Variants in LRP1B observed in about 807,000 individuals in gnomAD.
LRP1B encodes low-density lipoprotein receptor-related protein 1B.
LRP1B carries 217 observed loss-of-function variants against 556.6 expected under a neutral mutation model. The ratio of observed to expected loss-of-function variants is 0.39; its 90% CI spans 0.35 to 0.44. The LOEUF (loss-of-function observed/expected upper bound fraction) is 0.44, where lower values mean the gene tolerates loss of function less well. Ranked by LOEUF, LRP1B falls within the 20% of genes least tolerant of loss-of-function variation. LRP1B has a pLI of 1.00. For synonymous variants in LRP1B, 2,047 were observed against 1,865.8 expected (o/e 1.10, Z -2.50); for missense variants, 5,053 against 5,620.8 (o/e 0.90, Z 3.23).
intron 2 of LRP1B, among the ~76,000 whole-genome samples, chr2:141,622,511 C>T (rs1256372482): frequency 6.6e-6 from 1 of 152,174 alleles, no homozygotes; most frequent in Non-Finnish European, 1.5e-5. Context: ...TTCAATATAT[C>T]TACTTAGAAA....
At chr2:141,487,697 G>A (rs1171798186) in intron 2 of LRP1B, among the ~76,000 whole-genome samples, 1 of 152,044 alleles carries the variant, frequency 6.6e-6, no homozygotes, top group Non-Finnish European at 1.5e-5. Flanking sequence ...CTTTCTTTAT[G>A]CAATTCCATC....
intron 7 of LRP1B, among the ~76,000 whole-genome samples, chr2:141,074,593 A>ATC (rs1699737110): frequency 1.1e-5 from 1 of 89,884 alleles, no homozygotes; most frequent in Non-Finnish European, 2.5e-5. Flanking sequence ...CTCTCTCTAT[A>ATC]TATATATATA....
chr2:140,664,370 A>G (rs941627652), intron 41 of LRP1B, among the ~76,000 whole-genome samples: 3 of 152,182 alleles, frequency 2.0e-5, no homozygotes, highest in Non-Finnish European at 1.5e-5. Flanking sequence ...CCTTCTATCT[A>G]TCTTGAAGAA....
chr2:141,204,864 G>C (rs1216450103), intron 6 of LRP1B, among the ~76,000 whole-genome samples: 1 of 152,056 alleles, frequency 6.6e-6, no homozygotes, highest in African/African-American at 2.4e-5. Flanking sequence ...TTGAACCCAA[G>C]AGGTGGGGTT....
chr2:140,659,112 T>G (rs1029771522), intron 41 of LRP1B, among the ~76,000 whole-genome samples: 1 of 138,398 alleles, frequency 7.2e-6, no homozygotes, highest in African/African-American at 3.0e-5. Flanking sequence ...TTTTTTTTTT[T>G]TTTTTTTTTT....
At chr2:140,883,751 T>C (rs2105186256) in intron 25 of LRP1B, 66 bp downstream of exon 25, 1 of 1,199,678 alleles carries the variant, frequency 8.3e-7, no homozygotes. Context: ...GATAATTAAA[T>C]TCAATGTTAA....
intron 43 of LRP1B, among the ~76,000 whole-genome samples, chr2:140,549,674 C>T (rs1680473394): frequency 6.6e-6 from 1 of 152,150 alleles, no homozygotes; most frequent in African/African-American, 2.4e-5. Flanking sequence ...GTAAATGAAA[C>T]AGCTGTCAAC....
intron 1 of LRP1B, among the ~76,000 whole-genome samples, chr2:142,081,855 C>A (rs971932336): frequency 6.6e-6 from 1 of 152,070 alleles, no homozygotes. Context: ...CCCACTTAAT[C>A]CTTATAACTA....
At chr2:142,067,796 T>C (rs1705160612) in intron 1 of LRP1B, among the ~76,000 whole-genome samples, 1 of 151,638 alleles carries the variant, frequency 6.6e-6, no homozygotes, top group Admixed American at 6.6e-5. Context: ...GCACCTCTTA[T>C]GAGCATATAG....
chr2:140,591,852 A>G (rs765739086), intron 43 of LRP1B, among the ~76,000 whole-genome samples: 16 of 152,198 alleles, frequency 1.1e-4, no homozygotes, highest in African/African-American at 2.7e-4. Context: ...CATAACTTCT[A>G]TGTAAATTGA....
intron 2 of LRP1B, among the ~76,000 whole-genome samples, chr2:141,724,014 T>C (rs13016120): frequency 0.18 from 27,567 of 151,820 alleles, 2,795 homozygotes; most frequent in East Asian, 0.25. Flanking sequence ...AACGATAAAG[T>C]TAAATGATTA....
intron 55 of LRP1B, among the ~76,000 whole-genome samples, chr2:140,500,943 A>G (rs970786715): frequency 1.3e-5 from 2 of 151,968 alleles, no homozygotes; most frequent in Non-Finnish European, 2.9e-5. Flanking sequence ...TTGTTGCTCC[A>G]TTAAACACAC....
chr2:140,734,500 A>C (rs1687881331), intron 35 of LRP1B, among the ~76,000 whole-genome samples: 1 of 152,210 alleles, frequency 6.6e-6, no homozygotes. Flanking sequence ...TTAGGATTTT[A>C]TTCAAGGCGA....
chr2:140,893,176 G>A (rs1051728846), intron 23 of LRP1B, among the ~76,000 whole-genome samples: 1 of 152,232 alleles, frequency 6.6e-6, no homozygotes, highest in South Asian at 2.1e-4. Flanking sequence ...ATAAAGAGAG[G>A]AAGAGAGATC....
At chr2:141,147,369 G>C (rs966497618) in intron 7 of LRP1B, among the ~76,000 whole-genome samples, 1 of 152,108 alleles carries the variant, frequency 6.6e-6, no homozygotes, top group African/African-American at 2.4e-5. Context: ...TGATTTTAGA[G>C]GGATAAAAAT....
At chr2:140,355,797 C>T (rs1682183764) in intron 75 of LRP1B, among the ~76,000 whole-genome samples, 2 of 151,964 alleles carry the variant, frequency 1.3e-5, no homozygotes, top group African/African-American at 2.4e-5. Flanking sequence ...TACTTACTTA[C>T]TATAAGATTT....
rs769585588 is a variant in LRP1B at position 140,837,798 on chromosome 2, TG to T, written c.5209+2192del. Among the ~76,000 whole-genome samples, 18 of 120,540 alleles carry T rather than the reference TG, an allele frequency of 1.5e-4. No homozygotes were observed. The East Asian group carries it at 4.5e-3, about 30-fold the overall frequency. 79.1% of individuals were successfully genotyped at this position (120,540 alleles called of 152,430 possible). A position where few individuals can be genotyped will look rare whatever the true frequency, so the allele number is the denominator to read the frequency against. ...CACACCACCGGGGACTGTTGTGGGG[TG>T]GGGGGAGGGGGGAAGGATAACATTT... On this transcript the variant is annotated intron_variant, in intron 31 of 90. Transcript: ENST00000389484.
At chr2:140,809,851 C>T (rs1041914620) in intron 32 of LRP1B, among the ~76,000 whole-genome samples, 2 of 152,094 alleles carry the variant, frequency 1.3e-5, no homozygotes, top group Non-Finnish European at 2.9e-5. Context: ...CTTGAGTGTC[C>T]TCATAACATG....
intron 66 of LRP1B, among the ~76,000 whole-genome samples, chr2:140,439,560 T>A (rs1686334984): frequency 6.6e-6 from 1 of 152,156 alleles, no homozygotes; most frequent in Non-Finnish European, 1.5e-5. Flanking sequence ...TAATTTAATC[T>A]AAATGTGCCA....
Sources: gnomAD v4.1 joint callset for allele counts (sites outside exome capture counted in the v4.1 genomes callset) on GRCh38, gnomAD v4.1.1 for gene constraint, MANE v1.5 for transcripts, NCBI Gene and HGNC (gene_info 2026-07-23, HGNC 2026-07-21) for gene names.